The following NPR3 variants were observed in gnomAD, a reference collection of about 807,000 sequenced individuals.
NPR3 encodes natriuretic peptide receptor 3.
A neutral mutation model predicts 54.5 loss-of-function variants in NPR3; 34 were observed. That is an observed-to-expected ratio of 0.62 (90% CI 0.47 to 0.83). NPR3 has a LOEUF of 0.83. Ranked by LOEUF, NPR3 falls within the 40% of genes least tolerant of loss-of-function variation. The probability of loss-of-function intolerance (pLI) is 0.00; values close to 1 mark genes in which losing one functional copy is unlikely to be tolerated. For synonymous variants in NPR3, 289 were observed against 297.1 expected (o/e 0.97, Z 0.28); for missense variants, 674 against 720.8 (o/e 0.94, Z 0.74).
At chr5:32,765,351 C>T (rs11740580) in intron 3 of NPR3, among the ~76,000 whole-genome samples, 4 of 152,248 alleles carry the variant, frequency 2.6e-5, no homozygotes, top group Admixed American at 2.0e-4. Flanking sequence ...TCACTTGGAA[C>T]CTATTTACCC....
intron 3 of NPR3, among the ~76,000 whole-genome samples, chr5:32,767,312 A>G (rs1190401064): frequency 6.6e-6 from 1 of 152,214 alleles, no homozygotes; most frequent in African/African-American, 2.4e-5. Flanking sequence ...CCATCCACTG[A>G]CCAAGATCTC....
At chr5:32,782,713 T>C (rs1179956824) in intron 5 of NPR3, among the ~76,000 whole-genome samples, 180 bp from the exon 6 acceptor site, 2 of 152,194 alleles carry the variant, frequency 1.3e-5, no homozygotes, top group Non-Finnish European at 2.9e-5. Flanking sequence ...ACGTGCCCAA[T>C]GTACCACGCT....
chr5:32,776,393 TGAA>T (rs1283320709), intron 4 of NPR3, among the ~76,000 whole-genome samples: 2 of 152,246 alleles, frequency 1.3e-5, no homozygotes, highest in African/African-American at 4.8e-5. Context: ...TTGCACATCT[TGAA>T]GAATTTTTGT....
chr5:32,714,100 A>G (rs1738414794), intron 1 of NPR3, among the ~76,000 whole-genome samples: 1 of 135,980 alleles, frequency 7.4e-6, no homozygotes, highest in South Asian at 2.4e-4. Flanking sequence ...AGGCTCCCGG[A>G]ACCTGCTTCT....
Position 32,711,967 on chromosome 5 carries a change from C to A in NPR3, c.191C>A (p.Ser64Ter). 6.3e-7 allele frequency: 1 copy of A among 1,598,426 alleles called. No homozygotes were observed. Among genetic ancestry groups the A allele is most frequent in the African/African-American group, 1.3e-5 (1 of 74,582 alleles). Residue 64 changes from serine (S) to a stop codon, truncating the protein, a stop_gained, in exon 1 of 8, where the codon TCG becomes TAG. Coordinates refer to ENST00000265074, the MANE Select transcript of NPR3 (RefSeq NM_001204375.2). LOFTEE classifies it high-confidence loss of function. ...CTGGTGTTACTGCCCCAGGATGACT[C>A]GTACTTGTTTTCACTCACCCGGGTG... ...EVLVLLPQDD[S>*]YLFSLTRVRP...
intron 1 of NPR3, among the ~76,000 whole-genome samples, chr5:32,721,430 C>T (rs746636221): frequency 3.3e-5 from 5 of 152,206 alleles, no homozygotes; most frequent in East Asian, 1.9e-4. Flanking sequence ...GGGAGGCCCA[C>T]GGTGGGCCGA....
At chr5:32,780,666 G>T in intron 4 of NPR3, 56 bp from the exon 5 acceptor site, 1 of 813,872 alleles carries the variant, frequency 1.2e-6, no homozygotes, top group Non-Finnish European at 2.2e-6. Flanking sequence ...GTTTTTGTTG[G>T]CAGACAGAGG....
At chr5:32,731,007 T>A (rs1392688470) in intron 2 of NPR3, among the ~76,000 whole-genome samples, 1 of 152,326 alleles carries the variant, frequency 6.6e-6, no homozygotes, top group Admixed American at 6.5e-5. Flanking sequence ...TTTTGCAGAA[T>A]GTCTTTCAAT....
In NPR3 at chr5:32,712,402, T is replaced by A. The variant is rs891871524; in HGVS notation, c.626T>A (p.Leu209Gln). 2 of 1,613,394 alleles carry A rather than the reference T, an allele frequency of 1.2e-6. No individual in the cohort carries two copies. Among genetic ancestry groups the A allele is most frequent in the Non-Finnish European group, 1.7e-6 (2 of 1,179,604 alleles). Reference sequence around the variant, plus strand: ...GCACTGGTCTACAGCGACGACAAGCTGGAGCGGAACTGCTACTTCACCCTC... The same window carrying A: ...GCACTGGTCTACAGCGACGACAAGCAGGAGCGGAACTGCTACTTCACCCTC... Reference protein sequence around the residue: ...RAALVYSDDKLERNCYFTLEG... With the variant: ...RAALVYSDDKQERNCYFTLEG... Residue 209 changes from leucine (L) to glutamine (Q), a missense_variant, in exon 1 of 8, where the codon CTG becomes CAG. Transcript: ENST00000265074.
rs573609465 is a variant in NPR3, at chr5:32,789,218, G to A, written c.*2873G>A. 24 of 289,528 alleles carry A rather than the reference G, an allele frequency of 8.3e-5. No homozygotes were observed. The highest frequency in any genetic ancestry group is 3.9e-4 in the African/African-American group (18 of 45,580). The allele number at this position is 289,528 out of a possible 1,614,324, so 17.9% of individuals were successfully genotyped here. ...CTGACATTGATACAGGTCAAAATGCGTAGATGCTTTTTGGTGTTGGAAATA... is the reference window on the plus strand; with the variant it reads ...CTGACATTGATACAGGTCAAAATGCATAGATGCTTTTTGGTGTTGGAAATA... On this transcript the variant is annotated 3_prime_UTR_variant, in exon 8 of 8. Transcript: ENST00000265074.
At chr5:32,776,032 C>T (rs1470084113) in intron 4 of NPR3, among the ~76,000 whole-genome samples, 1 of 152,212 alleles carries the variant, frequency 6.6e-6, no homozygotes, top group Admixed American at 6.5e-5. Flanking sequence ...CCTTCCCAAC[C>T]TAGTCCCCTC....
chr5:32,769,663 C>T (rs931324890), intron 3 of NPR3, among the ~76,000 whole-genome samples: 13 of 152,294 alleles, frequency 8.5e-5, no homozygotes, highest in East Asian at 3.9e-4. Flanking sequence ...CTTGTGTTCC[C>T]GTGAACACCA....
At chr5:32,694,766 C>T (rs1476617973) in intron 1 of NPR3, among the ~76,000 whole-genome samples, 1 of 152,012 alleles carries the variant, frequency 6.6e-6, no homozygotes, top group East Asian at 1.9e-4. Context: ...CTGTAGCCAC[C>T]CTGTGGTGCT....
At chr5:32,713,472 C>T (rs1229660549) in intron 1 of NPR3, 3 of 984,790 alleles carry the variant, frequency 3.0e-6, no homozygotes, top group South Asian at 4.7e-5. Context: ...ACTGAGATGC[C>T]GGTATAGCGC....
chr5:32,731,969 C>T (rs528824353), intron 2 of NPR3, among the ~76,000 whole-genome samples: 6 of 152,182 alleles, frequency 3.9e-5, no homozygotes, highest in African/African-American at 9.6e-5. Context: ...CGGCCGGGCG[C>T]GGTGGCTCAC....
chr5:32,694,424 G>T (rs988205915), intron 1 of NPR3, among the ~76,000 whole-genome samples: 1 of 152,072 alleles, frequency 6.6e-6, no homozygotes, highest in Non-Finnish European at 1.5e-5. Flanking sequence ...GGCATTGAAG[G>T]GAATGTAATA....
intron 3 of NPR3, among the ~76,000 whole-genome samples, chr5:32,746,098 TA>T (rs1740283505): frequency 6.6e-6 from 1 of 152,226 alleles, no homozygotes; most frequent in South Asian, 2.1e-4. Context: ...CTGGACAGTT[TA>T]TTTTGTAGCA....
At chr5:32,749,325 A>T (rs1201789511) in intron 3 of NPR3, among the ~76,000 whole-genome samples, 2 of 151,938 alleles carry the variant, frequency 1.3e-5, no homozygotes, top group East Asian at 3.9e-4. Flanking sequence ...TTTAAAAAAA[A>T]TTTTCTTTTA....
chr5:32,736,278 G>A (rs1318275810), intron 2 of NPR3, among the ~76,000 whole-genome samples: 1 of 147,306 alleles, frequency 6.8e-6, no homozygotes, highest in Non-Finnish European at 1.5e-5. Context: ...AAACTCCAAA[G>A]CCGTTACCTT....
Sources: allele counts gnomAD v4.1 joint callset (sites outside exome capture counted in the v4.1 genomes callset), GRCh38; gene constraint gnomAD v4.1.1; transcripts MANE v1.5; gene names NCBI Gene and HGNC (gene_info 2026-07-23, HGNC 2026-07-21).